Variants in CNTN5 observed in about 807,000 individuals in gnomAD.
CNTN5 encodes the protein contactin 5, also known as contactin-5.
Under a neutral mutation model 129.1 loss-of-function variants are expected in CNTN5, and 77 were observed. The observed-to-expected ratio is 0.60, with a 90% CI of 0.50 to 0.72. CNTN5 has a LOEUF of 0.72. Among genes scored for constraint, CNTN5 ranks in the 30% least tolerant of loss-of-function variants. The pLI is 0.00. For synonymous variants in CNTN5, 509 were observed against 465.6 expected, an observed-to-expected ratio of 1.09 and a Z score of -1.20; for missense variants, 1,478 against 1,328.8, an observed-to-expected ratio of 1.11 and a Z score of -1.75.
At chr11:99,881,848 A>G (rs144656319) in intron 6 of CNTN5, among the ~76,000 whole-genome samples, 253 of 152,342 alleles carry the variant, frequency 1.7e-3, no homozygotes, top group African/African-American at 5.9e-3. Context: ...AGAGTTGCAC[A>G]GTATTGTCTG....
At chr11:99,266,583 C>T (rs1862906366) in intron 1 of CNTN5, among the ~76,000 whole-genome samples, 1 of 151,960 alleles carries the variant, frequency 6.6e-6, no homozygotes, top group Admixed American at 6.6e-5. Context: ...GCCTGGGCAA[C>T]AGAGCAAGAT....
At chr11:100,006,565 C>G (rs1591041607) in intron 9 of CNTN5, among the ~76,000 whole-genome samples, 1 of 152,146 alleles carries the variant, frequency 6.6e-6, no homozygotes, top group Non-Finnish European at 1.5e-5. Context: ...CTTCATTCAA[C>G]TTTTATCGTG....
intron 1 of CNTN5, among the ~76,000 whole-genome samples, chr11:99,313,316 A>C (rs1484466605): frequency 6.6e-6 from 1 of 152,220 alleles, no homozygotes; most frequent in Non-Finnish European, 1.5e-5. Flanking sequence ...AGCTTGAATT[A>C]TTTGTGCTTT....
intron 3 of CNTN5, among the ~76,000 whole-genome samples, chr11:99,709,028 T>C (rs115650164): frequency 0.012 from 1,883 of 152,000 alleles, 37 homozygotes; most frequent in African/African-American, 0.042. Flanking sequence ...AAAGCTGTTT[T>C]TGCCATCTCT....
At chr11:100,215,319 G>C (rs1199983545) in intron 15 of CNTN5, among the ~76,000 whole-genome samples, 1 of 152,134 alleles carries the variant, frequency 6.6e-6, no homozygotes, top group Non-Finnish European at 1.5e-5. Flanking sequence ...GGCATAAAAA[G>C]TTACCAAGGC....
At chr11:99,548,563 G>T (rs11220404) in intron 2 of CNTN5, among the ~76,000 whole-genome samples, 10,345 of 152,248 alleles carry the variant, frequency 0.068, 402 homozygotes, top group East Asian at 0.11. Flanking sequence ...AGGTTTCCAA[G>T]TTAAGTTTCA....
At chr11:99,993,258 C>T (rs555894361) in intron 8 of CNTN5, among the ~76,000 whole-genome samples, 26 of 152,294 alleles carry the variant, frequency 1.7e-4, no homozygotes, top group African/African-American at 6.3e-4. Context: ...ACACAGTGAT[C>T]TCAAGAAAAT....
intron 3 of CNTN5, among the ~76,000 whole-genome samples, chr11:99,594,495 G>C (rs1375490366): frequency 1.3e-5 from 2 of 152,160 alleles, no homozygotes; most frequent in Non-Finnish European, 2.9e-5. Context: ...CCTGTGCACT[G>C]TTAAGAAGGG....
At chr11:99,242,420 G>T (rs1326456491) in intron 1 of CNTN5, among the ~76,000 whole-genome samples, 2 of 152,032 alleles carry the variant, frequency 1.3e-5, no homozygotes, top group African/African-American at 4.8e-5. Flanking sequence ...ATTCTTCCCT[G>T]TTAGTAATTT....
intron 1 of CNTN5, among the ~76,000 whole-genome samples, chr11:99,282,081 G>C (rs1217288189): frequency 1.3e-5 from 2 of 151,890 alleles, no homozygotes; most frequent in Non-Finnish European, 2.9e-5. Flanking sequence ...ACAGGTCCCC[G>C]TTGGTATTGT....
chr11:99,383,327 T>G (rs531396926), intron 2 of CNTN5, among the ~76,000 whole-genome samples: 1 of 152,196 alleles, frequency 6.6e-6, no homozygotes, highest in Non-Finnish European at 1.5e-5. Context: ...TGGTCCCATA[T>G]GTCTATGGTT....
intron 18 of CNTN5, among the ~76,000 whole-genome samples, chr11:100,284,480 G>A (rs1950721895): frequency 6.6e-6 from 1 of 152,152 alleles, no homozygotes; most frequent in Non-Finnish European, 1.5e-5. Context: ...ATAGCATAAT[G>A]TAAATACTTT....
chr11:99,097,485 ACATAATTTTGAAATCAAATC>A, intron 1 of CNTN5, among the ~76,000 whole-genome samples: 1 of 152,016 alleles, frequency 6.6e-6, no homozygotes, highest in East Asian at 1.9e-4. Flanking sequence ...TGTGATATTT[ACATAATTTTGAAATCAAATC>A]CATAATAGCA....
In CNTN5 at chr11:99,230,819, C is replaced by G. The variant is rs923275309; in HGVS notation, c.-209-94527C>G. On this transcript the variant is annotated intron_variant, in intron 1 of 24. Transcript: ENST00000524871. The stretch of plus-strand genomic sequence containing the variant: ...ATTTCTGATCCTCTCTCTCCCACCC[C>G]CTGACAAGCCCCAGTGTTTGTTCTC... Among the ~76,000 whole-genome samples, 18 of 152,188 alleles carry G rather than the reference C, an allele frequency of 1.2e-4. 1 individual carries two copies. Among genetic ancestry groups the G allele is most frequent in the African/African-American group, 3.6e-4 (15 of 41,536 alleles).
intron 2 of CNTN5, among the ~76,000 whole-genome samples, chr11:99,368,094 A>T (rs1244730052): frequency 6.6e-6 from 1 of 152,174 alleles, no homozygotes; most frequent in Non-Finnish European, 1.5e-5. Flanking sequence ...ATGAGACTAC[A>T]ATCCTTGAAA....
chr11:100,063,706 TAAAA>T (rs35896237), intron 10 of CNTN5, among the ~76,000 whole-genome samples: 6 of 115,262 alleles, frequency 5.2e-5, no homozygotes, highest in African/African-American at 9.8e-5. Flanking sequence ...AACCTGTCTC[TAAAA>T]AAAAAAAAAA....
At chr11:100,292,067 T>C (rs867394007) in intron 18 of CNTN5, among the ~76,000 whole-genome samples, 2 of 152,036 alleles carry the variant, frequency 1.3e-5, no homozygotes, top group South Asian at 2.1e-4. Flanking sequence ...ATCTCACATC[T>C]AATTCCATGG....
At chr11:99,557,711 G>C (rs558879375) in intron 3 of CNTN5, among the ~76,000 whole-genome samples, 1 of 151,404 alleles carries the variant, frequency 6.6e-6, no homozygotes, top group Non-Finnish European at 1.5e-5. Flanking sequence ...TGATATATGA[G>C]TCTTCTTTAT....
At chr11:100,207,118 C>T (rs1948931469) in intron 15 of CNTN5, among the ~76,000 whole-genome samples, 1 of 152,056 alleles carries the variant, frequency 6.6e-6, no homozygotes, top group Non-Finnish European at 1.5e-5. Context: ...TTACATAGAG[C>T]TGTTTGTCTA....
Sources: allele counts gnomAD v4.1 joint callset (sites outside exome capture counted in the v4.1 genomes callset), GRCh38; gene constraint gnomAD v4.1.1; transcripts MANE v1.5; gene names NCBI Gene and HGNC (gene_info 2026-07-23, HGNC 2026-07-21).